The following COL5A2 variants were observed in gnomAD, a reference collection of about 807,000 sequenced individuals.
COL5A2 encodes collagen type V alpha 2 chain.
A neutral mutation model predicts 208.2 loss-of-function variants in COL5A2; 23 were observed. The ratio of observed to expected loss-of-function variants is 0.11; its 90% confidence interval spans 0.08 to 0.16. The LOEUF is 0.16. Ranked by LOEUF, COL5A2 falls within the 10% of genes least tolerant of loss-of-function variation. COL5A2 has a pLI of 1.00. For missense variants in COL5A2, 1,590 were observed against 1,956.4 expected (o/e 0.81, Z 3.53); for synonymous variants, 625 against 628.5 (o/e 0.99, Z 0.08).
chr2:189,206,598 G>A (rs1304030761), intron 1 of COL5A2, among the ~76,000 whole-genome samples: 1 of 152,186 alleles, frequency 6.6e-6, no homozygotes, highest in Non-Finnish European at 1.5e-5. Flanking sequence ...CTAGGGCCAA[G>A]TCTGAATAAC....
chr2:189,391,504 G>A, the COL5A2 span, among the ~76,000 whole-genome samples: 1 of 152,062 alleles, frequency 6.6e-6, no homozygotes, highest in Non-Finnish European at 1.5e-5. Context: ...GAACAAAATA[G>A]CAATCTAGTG....
At chr2:189,193,651 C>T (rs899327007) in intron 1 of COL5A2, among the ~76,000 whole-genome samples, 2 of 152,154 alleles carry the variant, frequency 1.3e-5, no homozygotes, top group African/African-American at 4.8e-5. Flanking sequence ...GCAAAAATTA[C>T]ACAAGTAGTG....
the COL5A2 span, among the ~76,000 whole-genome samples, chr2:189,270,084 C>T: frequency 6.6e-6 from 1 of 152,006 alleles, no homozygotes; most frequent in African/African-American, 2.4e-5. Flanking sequence ...GGTGATATTC[C>T]CTTTATCATT....
chr2:189,275,164 G>A, the COL5A2 span, among the ~76,000 whole-genome samples: 3 of 152,062 alleles, frequency 2.0e-5, no homozygotes, highest in Non-Finnish European at 2.9e-5. Context: ...ACAGTTTTTC[G>A]ATTTACTTAT....
At chr2:189,257,714 G>A in the COL5A2 span, among the ~76,000 whole-genome samples, 1 of 152,326 alleles carries the variant, frequency 6.6e-6, no homozygotes, top group Admixed American at 6.5e-5. Context: ...TAATTACCAT[G>A]CATTAATAAT....
chr2:189,286,528 C>T, the COL5A2 span, among the ~76,000 whole-genome samples: 8 of 151,706 alleles, frequency 5.3e-5, no homozygotes, highest in Non-Finnish European at 1.0e-4. Context: ...GGGAGGTACT[C>T]GGAGGGAAAA....
At chr2:189,153,044 A>G (rs1368848788) in intron 1 of COL5A2, among the ~76,000 whole-genome samples, 4 of 152,202 alleles carry the variant, frequency 2.6e-5, no homozygotes, top group Non-Finnish European at 4.4e-5. Context: ...CATCTTTTAG[A>G]AAACAATCCC....
chr2:189,046,790 G>A (rs927186865), intron 45 of COL5A2, among the ~76,000 whole-genome samples: 2 of 151,116 alleles, frequency 1.3e-5, no homozygotes, highest in Middle Eastern at 3.4e-3. Context: ...CATTGAATAA[G>A]CTGAATTGGC....
the COL5A2 span, among the ~76,000 whole-genome samples, chr2:189,293,310 A>G: frequency 2.6e-5 from 4 of 152,166 alleles, no homozygotes; most frequent in African/African-American, 9.7e-5. Context: ...CAGACCAGAA[A>G]TGCTTGAGAA....
chr2:189,167,894 T>A (rs1212381115), intron 1 of COL5A2, among the ~76,000 whole-genome samples: 2 of 151,978 alleles, frequency 1.3e-5, no homozygotes, highest in Non-Finnish European at 2.9e-5. Flanking sequence ...AATTTGCAGT[T>A]GCTCTTCATT....
At chr2:189,082,874 G>T (rs928642600) in intron 12 of COL5A2, among the ~76,000 whole-genome samples, 1 of 152,222 alleles carries the variant, frequency 6.6e-6, no homozygotes. Flanking sequence ...TAAACCTCAT[G>T]TCTCTGTCTG....
At chr2:189,198,774 T>C (rs913291300) in intron 1 of COL5A2, among the ~76,000 whole-genome samples, 3 of 152,170 alleles carry the variant, frequency 2.0e-5, no homozygotes, top group Admixed American at 6.5e-5. Flanking sequence ...AATAATAATA[T>C]GCAATTATTG....
the COL5A2 span, among the ~76,000 whole-genome samples, chr2:189,258,920 G>T: frequency 6.6e-6 from 1 of 152,198 alleles, no homozygotes; most frequent in Non-Finnish European, 1.5e-5. Context: ...CAGCCAATGA[G>T]CCAGGGCAAA....
the COL5A2 span, among the ~76,000 whole-genome samples, chr2:189,400,184 C>G: frequency 2.6e-5 from 4 of 152,120 alleles, no homozygotes; most frequent in Admixed American, 6.6e-5. Flanking sequence ...TTATCCTGCT[C>G]TGAGTCCTTT....
At chr2:189,366,896 A>G in the COL5A2 span, among the ~76,000 whole-genome samples, 1 of 152,136 alleles carries the variant, frequency 6.6e-6, no homozygotes. Context: ...CAGGCGAGAA[A>G]TGCTTGTCCA....
At chr2:189,262,584 AT>A in the COL5A2 span, among the ~76,000 whole-genome samples, 1 of 151,986 alleles carries the variant, frequency 6.6e-6, no homozygotes, top group Non-Finnish European at 1.5e-5. Context: ...AGTCTTCTTT[AT>A]AAAAAATATT....
At chr2:189,271,194 C>T in the COL5A2 span, among the ~76,000 whole-genome samples, 5 of 151,954 alleles carry the variant, frequency 3.3e-5, no homozygotes, top group Middle Eastern at 3.2e-3. Context: ...CAGCCCGTAT[C>T]GTCAAGACAA....
chr2:189,325,246 C>T, the COL5A2 span, among the ~76,000 whole-genome samples: 1 of 151,832 alleles, frequency 6.6e-6, no homozygotes, highest in Admixed American at 6.6e-5. Context: ...AGCACACAAA[C>T]ATGGCACATG....
the COL5A2 span, among the ~76,000 whole-genome samples, chr2:189,375,959 G>A: frequency 6.6e-6 from 1 of 152,080 alleles, no homozygotes; most frequent in Non-Finnish European, 1.5e-5. Flanking sequence ...TCCTCTACAG[G>A]GAAAATGAGA....
Sources: allele counts gnomAD v4.1 joint callset (sites outside exome capture counted in the v4.1 genomes callset), GRCh38; gene constraint gnomAD v4.1.1; transcripts MANE v1.5; gene names NCBI Gene and HGNC (gene_info 2026-07-23, HGNC 2026-07-21).